The following COL21A1 variants were observed in gnomAD, a reference collection of about 807,000 sequenced individuals.
COL21A1 encodes collagen type XXI alpha 1 chain.
Under a neutral mutation model 137.9 loss-of-function variants are expected in COL21A1, and 149 were observed. The ratio of observed to expected loss-of-function variants is 1.08; its 90% CI spans 0.95 to 1.24. The LOEUF is 1.24. Among genes scored for constraint, COL21A1 ranks in the 50% most tolerant of loss-of-function variants. The probability of loss-of-function intolerance (pLI) is 0.00; values close to 1 mark genes in which losing one functional copy is unlikely to be tolerated. For missense variants in COL21A1, 1,167 were observed against 1,158.4 expected, an observed-to-expected ratio of 1.01 and a Z score of -0.11; for synonymous variants, 456 against 391.5, an observed-to-expected ratio of 1.16 and a Z score of -1.95.
At chr6:56,322,581 A>G (rs1057294097) in intron 1 of COL21A1, among the ~76,000 whole-genome samples, 1 of 152,130 alleles carries the variant, frequency 6.6e-6, no homozygotes, top group Non-Finnish European at 1.5e-5. Context: ...GTTTGAAAGT[A>G]AGTAAAATCT....
intron 9 of COL21A1, among the ~76,000 whole-genome samples, chr6:56,158,253 C>CTTTTTTTTTTTTTTTTTTTTTTT (rs59381031): frequency 1.9e-5 from 2 of 104,906 alleles, no homozygotes; most frequent in Non-Finnish European, 1.8e-5. Flanking sequence ...TGGGTTTTTT[C>CTTTTTTTTTTTTTTTTTTTTTTT]TTTTTTTTTT....
intron 1 of COL21A1, among the ~76,000 whole-genome samples, chr6:56,371,045 C>T (rs1010301132): frequency 1.3e-5 from 2 of 152,192 alleles, no homozygotes; most frequent in African/African-American, 4.8e-5. Flanking sequence ...CTAGGATCTG[C>T]ACCACATGCT....
chr6:56,215,517 T>C (rs189884960), intron 1 of COL21A1, among the ~76,000 whole-genome samples: 2 of 152,154 alleles, frequency 1.3e-5, no homozygotes, highest in Admixed American at 6.6e-5. Flanking sequence ...AACTATGGCA[T>C]AGTCGAAACT....
intron 21 of COL21A1, among the ~76,000 whole-genome samples, chr6:56,070,205 C>CT (rs1165325675): frequency 6.6e-6 from 1 of 151,458 alleles, no homozygotes; most frequent in African/African-American, 2.4e-5. Flanking sequence ...AGATCACTCT[C>CT]TTTTTTAAAA....
chr6:56,159,582 C>T (rs1378775808), intron 9 of COL21A1, among the ~76,000 whole-genome samples: 1 of 151,348 alleles, frequency 6.6e-6, no homozygotes, highest in Non-Finnish European at 1.5e-5. Context: ...CCATCCACCT[C>T]TGCCTCCCAA....
intron 1 of COL21A1, among the ~76,000 whole-genome samples, chr6:56,359,810 C>A (rs927324768): frequency 2.0e-5 from 3 of 152,108 alleles, no homozygotes; most frequent in Non-Finnish European, 4.4e-5. Flanking sequence ...GTCTGAAAAG[C>A]AAGACAAAGG....
Position 56,060,001 on chromosome 6 carries a change from T to A in COL21A1, c.2608+17A>T. On this transcript the variant is annotated intron_variant, in intron 28 of 29. Coordinates refer to ENST00000244728, the MANE Select transcript of COL21A1 (RefSeq NM_030820.4). ...GACTTTTTAAAATTCATTTTCTTGT[T>A]GAAACTAACTGCATACCTTTTAATC... is the stretch of plus-strand genomic sequence containing the variant. 1 of 1,562,822 alleles carries A rather than the reference T, an allele frequency of 6.4e-7. No individual in the cohort carries two copies. The highest frequency in any genetic ancestry group is 8.7e-7 in the Non-Finnish European group (1 of 1,155,972).
intron 1 of COL21A1, among the ~76,000 whole-genome samples, chr6:56,273,821 A>G (rs901082374): frequency 2.0e-5 from 3 of 152,186 alleles, no homozygotes; most frequent in African/African-American, 4.8e-5. Flanking sequence ...TACTGAAACT[A>G]TTCCAAAAAA....
At chr6:56,242,243 T>C (rs548128820) in intron 1 of COL21A1, among the ~76,000 whole-genome samples, 7 of 152,284 alleles carry the variant, frequency 4.6e-5, no homozygotes, top group African/African-American at 1.7e-4. Context: ...TTCCATTGAA[T>C]CACCTATGAA....
intron 6 of COL21A1, among the ~76,000 whole-genome samples, chr6:56,167,605 C>T (rs1345512983): frequency 6.6e-6 from 1 of 152,152 alleles, no homozygotes; most frequent in Non-Finnish European, 1.5e-5. Context: ...ACACATTTCT[C>T]CATCCAAATA....
chr6:56,057,905 C>A, intron 29 of COL21A1, 61 bp from the exon 30 acceptor site: 3 of 1,118,310 alleles, frequency 2.7e-6, no homozygotes, highest in Non-Finnish European at 2.4e-6. Flanking sequence ...ATGAAATAGC[C>A]AATTCTGCAA....
At chr6:56,358,306 C>T (rs1344218359) in intron 1 of COL21A1, among the ~76,000 whole-genome samples, 1 of 151,760 alleles carries the variant, frequency 6.6e-6, no homozygotes, top group African/African-American at 2.4e-5. Flanking sequence ...TCAAATCAAG[C>T]AACATTTGAA....
At chr6:56,091,458 A>C (rs1271380764) in intron 17 of COL21A1, 1 of 152,622 alleles carries the variant, frequency 6.6e-6, no homozygotes, top group Non-Finnish European at 1.5e-5. Flanking sequence ...CCAAAATAAA[A>C]CTGCTAAGGC....
intron 1 of COL21A1, among the ~76,000 whole-genome samples, chr6:56,260,848 C>CTCTGTGTGTGTGTG (rs1554171257): frequency 1.5e-5 from 2 of 135,216 alleles, no homozygotes; most frequent in Non-Finnish European, 3.1e-5. Flanking sequence ...CTTTAATTCA[C>CTCTGTGTGTGTGTG]TGTGTGTGTG....
At chr6:56,062,788 G>A (rs917654917) in intron 24 of COL21A1, among the ~76,000 whole-genome samples, 11 of 152,044 alleles carry the variant, frequency 7.2e-5, no homozygotes, top group African/African-American at 1.9e-4. Context: ...GAAGAAATGC[G>A]GGAGTGATCC....
chr6:56,339,258 A>G (rs777365778), intron 1 of COL21A1, among the ~76,000 whole-genome samples: 3 of 152,294 alleles, frequency 2.0e-5, no homozygotes, highest in South Asian at 2.1e-4. Flanking sequence ...ACTTGTTTTT[A>G]GTTCACAGGC....
At chr6:56,233,671 A>G (rs903433513) in intron 1 of COL21A1, among the ~76,000 whole-genome samples, 1 of 151,650 alleles carries the variant, frequency 6.6e-6, no homozygotes. Context: ...AAAGGAAAAA[A>G]TTTCAGAGCT....
At chr6:56,389,179 T>C (rs2094024288) in intron 1 of COL21A1, among the ~76,000 whole-genome samples, 2 of 151,998 alleles carry the variant, frequency 1.3e-5, no homozygotes, top group African/African-American at 2.4e-5. Context: ...CTGACCAATA[T>C]GGCGAAACCC....
chr6:56,323,890 G>T (rs1409517697), intron 1 of COL21A1, among the ~76,000 whole-genome samples: 2 of 152,032 alleles, frequency 1.3e-5, no homozygotes, highest in African/African-American at 4.8e-5. Flanking sequence ...ACTATATAAG[G>T]AGCTACACAG....
Sources: allele counts gnomAD v4.1 joint callset (sites outside exome capture counted in the v4.1 genomes callset), GRCh38; gene constraint gnomAD v4.1.1; transcripts MANE v1.5; gene names NCBI Gene and HGNC (gene_info 2026-07-23, HGNC 2026-07-21).